Variants in CNTNAP2 observed in about 807,000 individuals in gnomAD.
CNTNAP2 encodes the protein contactin-associated protein-like 2.
Under a neutral mutation model 155.2 loss-of-function variants are expected in CNTNAP2, and 98 were observed. That is an observed-to-expected ratio of 0.63 (90% confidence interval 0.54 to 0.75). CNTNAP2 has a LOEUF of 0.75. CNTNAP2 is among the 30% of genes least tolerant of loss of function. CNTNAP2 has a pLI of 0.00. For missense variants in CNTNAP2, 1,727 were observed against 1,688.1 expected, an observed-to-expected ratio of 1.02 and a Z score of -0.40; for synonymous variants, 651 against 631.2, an observed-to-expected ratio of 1.03 and a Z score of -0.47.
At chr7:146,504,946 C>A (rs1224494140) in intron 1 of CNTNAP2, among the ~76,000 whole-genome samples, 1 of 152,180 alleles carries the variant, frequency 6.6e-6, no homozygotes, top group Admixed American at 6.5e-5. Flanking sequence ...TGGCAGACAA[C>A]CACCCCACGG....
chr7:147,729,129 T>C (rs1051390537), intron 13 of CNTNAP2, among the ~76,000 whole-genome samples: 2 of 151,618 alleles, frequency 1.3e-5, no homozygotes, highest in African/African-American at 4.8e-5. Context: ...AGAGATGAGG[T>C]CTCACTATGT....
At chr7:147,352,857 GTTCAC>G (rs1795989813) in intron 9 of CNTNAP2, among the ~76,000 whole-genome samples, 1 of 151,874 alleles carries the variant, frequency 6.6e-6, no homozygotes, top group Admixed American at 6.6e-5. Flanking sequence ...GCAAACAGCA[GTTCAC>G]TATGCACAGC....
At chr7:146,371,369 T>TTTG (rs1253254959) in intron 1 of CNTNAP2, among the ~76,000 whole-genome samples, 4 of 133,170 alleles carry the variant, frequency 3.0e-5, no homozygotes, top group South Asian at 2.5e-4. Context: ...GTATTAGTTT[T>TTTG]TTTTTTTTTT....
intron 15 of CNTNAP2, among the ~76,000 whole-genome samples, chr7:148,079,541 G>C (rs1328970784): frequency 1.3e-5 from 2 of 152,164 alleles, no homozygotes; most frequent in Non-Finnish European, 2.9e-5. Flanking sequence ...AAAGGTGCCA[G>C]ACTCAGTGAA....
intron 4 of CNTNAP2, among the ~76,000 whole-genome samples, chr7:147,080,234 G>A (rs1022993446): frequency 6.6e-6 from 1 of 152,154 alleles, no homozygotes; most frequent in Non-Finnish European, 1.5e-5. Context: ...TTAAGTATAA[G>A]GGAGTAGTGT....
At chr7:147,469,994 T>C (rs1246381933) in intron 10 of CNTNAP2, among the ~76,000 whole-genome samples, 2 of 152,166 alleles carry the variant, frequency 1.3e-5, no homozygotes, top group Non-Finnish European at 2.9e-5. Context: ...ATAGCAAAGA[T>C]GGCCGTTGTG....
At chr7:147,898,882 T>C (rs989291267) in intron 13 of CNTNAP2, among the ~76,000 whole-genome samples, 6 of 152,188 alleles carry the variant, frequency 3.9e-5, no homozygotes, top group African/African-American at 1.4e-4. Context: ...TAGATTCCAC[T>C]CATTCCCCAG....
intron 17 of CNTNAP2, among the ~76,000 whole-genome samples, chr7:148,155,575 CA>C (rs1473824696): frequency 4.6e-5 from 7 of 152,200 alleles, no homozygotes; most frequent in Admixed American, 2.0e-4. Context: ...GGAGGGGAGA[CA>C]GGGTGCTATT....
chr7:146,750,457 C>A (rs986394428), intron 1 of CNTNAP2, among the ~76,000 whole-genome samples: 1 of 152,294 alleles, frequency 6.6e-6, no homozygotes, highest in East Asian at 1.9e-4. Context: ...ATGAACTTGA[C>A]TCATGATTTT....
At chr7:147,661,478 G>C (rs996658523) in intron 13 of CNTNAP2, among the ~76,000 whole-genome samples, 1 of 151,858 alleles carries the variant, frequency 6.6e-6, no homozygotes, top group African/African-American at 2.4e-5. Context: ...TGTATGCCTC[G>C]ACAAGGCTTT....
At chr7:147,708,110 G>A (rs1003108600) in intron 13 of CNTNAP2, among the ~76,000 whole-genome samples, 2 of 152,136 alleles carry the variant, frequency 1.3e-5, no homozygotes, top group African/African-American at 4.8e-5. Flanking sequence ...TTTGAGAGAA[G>A]GCAGCAGCTG....
chr7:147,795,079 A>G (rs1439234682), intron 13 of CNTNAP2, among the ~76,000 whole-genome samples: 1 of 151,528 alleles, frequency 6.6e-6, no homozygotes, highest in Admixed American at 6.6e-5. Context: ...TCTATAATTT[A>G]TTTTGTATAT....
intron 1 of CNTNAP2, among the ~76,000 whole-genome samples, chr7:146,755,759 C>G (rs1300099677): frequency 6.6e-6 from 1 of 151,914 alleles, no homozygotes; most frequent in South Asian, 2.1e-4. Flanking sequence ...AATTTGTAAA[C>G]TGATTTATTG....
At chr7:147,568,777 T>C (rs1418514652) in intron 12 of CNTNAP2, among the ~76,000 whole-genome samples, 1 of 152,212 alleles carries the variant, frequency 6.6e-6, no homozygotes, top group Non-Finnish European at 1.5e-5. Context: ...TGAACCTTTG[T>C]ATTTAAAAGG....
intron 3 of CNTNAP2, among the ~76,000 whole-genome samples, chr7:146,926,028 G>C (rs140769117): frequency 4.5e-4 from 68 of 152,194 alleles, no homozygotes; most frequent in Middle Eastern, 6.8e-3. Context: ...CAATTTGAAA[G>C]TATGCTTATG....
chr7:147,233,064 C>T (rs188054868), intron 8 of CNTNAP2, among the ~76,000 whole-genome samples: 5 of 152,214 alleles, frequency 3.3e-5, no homozygotes, highest in African/African-American at 7.2e-5. Context: ...AAAATCAAAA[C>T]GAAGGTTTAT....
intron 18 of CNTNAP2, among the ~76,000 whole-genome samples, chr7:148,181,882 C>T (rs923669801): frequency 1.3e-5 from 2 of 150,792 alleles, no homozygotes. Context: ...CTCAGCCTCC[C>T]GAGTAGCTGG....
rs369238112 is a variant in CNTNAP2 at position 147,333,838 on chromosome 7, A to G, written c.1498+33548A>G. On this transcript the variant is annotated intron_variant, in intron 9 of 23. Coordinates refer to ENST00000361727, the MANE Select transcript of CNTNAP2 (RefSeq NM_014141.6). ...GAAAATAGTAAAAATACAGGCAGTC[A>G]TGGACTAGAGTATAGGCATAACTGT... Among the ~76,000 whole-genome samples, 46 of 152,296 alleles carry G rather than the reference A, an allele frequency of 3.0e-4. 2 individuals carry two copies. Among genetic ancestry groups the G allele is most frequent in the African/African-American group, 1.1e-3 (45 of 41,580 alleles).
At chr7:147,346,885 T>C (rs893811844) in intron 9 of CNTNAP2, among the ~76,000 whole-genome samples, 16 of 152,214 alleles carry the variant, frequency 1.1e-4, no homozygotes, top group African/African-American at 3.6e-4. Flanking sequence ...TTTATCACTT[T>C]TTTCTCAAAC....
Sources: allele counts gnomAD v4.1 joint callset (sites outside exome capture counted in the v4.1 genomes callset), GRCh38; gene constraint gnomAD v4.1.1; transcripts MANE v1.5; gene names NCBI Gene and HGNC (gene_info 2026-07-23, HGNC 2026-07-21).